The following CNTN4 variants were observed in gnomAD, a reference collection of about 807,000 sequenced individuals.
CNTN4 encodes contactin-4.
In CNTN4, 77 loss-of-function variants were observed where a neutral mutation model predicts 122.5. The observed-to-expected ratio is 0.63, with a 90% CI of 0.52 to 0.76. CNTN4 has a LOEUF of 0.76. CNTN4 is among the 30% of genes least tolerant of loss of function. CNTN4 has a pLI of 0.00. For missense variants in CNTN4, 1,256 were observed against 1,259.1 expected (o/e 1.00, Z 0.04); for synonymous variants, 512 against 447.0 (o/e 1.15, Z -1.83).
intron 7 of CNTN4, among the ~76,000 whole-genome samples, chr3:2,826,218 C>T (rs971260110): frequency 3.3e-5 from 5 of 152,130 alleles, no homozygotes; most frequent in African/African-American, 9.7e-5. Context: ...TTGGCGCTCA[C>T]CCCAGGTCAA....
At chr3:2,115,129 C>T (rs1239832232) in intron 2 of CNTN4, among the ~76,000 whole-genome samples, 1 of 152,186 alleles carries the variant, frequency 6.6e-6, no homozygotes, top group Admixed American at 6.5e-5. Flanking sequence ...TCTCCTTGCT[C>T]CAGTACATCA....
intron 4 of CNTN4, among the ~76,000 whole-genome samples, chr3:2,717,424 C>T (rs772447042): frequency 1.2e-4 from 19 of 152,278 alleles, no homozygotes; most frequent in Non-Finnish European, 2.4e-4. Flanking sequence ...CGTTTTCACA[C>T]GTGTTTTCAT....
At chr3:2,356,680 C>T (rs987896167) in intron 3 of CNTN4, among the ~76,000 whole-genome samples, 2 of 152,170 alleles carry the variant, frequency 1.3e-5, no homozygotes, top group East Asian at 1.9e-4. Context: ...CCTGGGAATG[C>T]AGCCCAGTAG....
rs2093622859 is a variant in CNTN4, at chr3:2,856,785, A to C, written c.455-9967A>C. On this transcript the variant is annotated intron_variant, in intron 7 of 24. Coordinates refer to ENST00000418658, the MANE Select transcript of CNTN4 (RefSeq NM_175607.3). ...GAGTATACATTAACAAAGAGTAAAG[A>C]GTAGAAAGCTAAAATTAAGTAACTT... Among the ~76,000 whole-genome samples, 6 of 152,324 alleles carry C rather than the reference A, an allele frequency of 3.9e-5. No individual in the cohort carries two copies. The South Asian group carries it at 1.2e-3, about 32-fold the overall frequency.
chr3:2,615,203 T>C (rs1328184944), intron 4 of CNTN4, among the ~76,000 whole-genome samples: 1 of 152,230 alleles, frequency 6.6e-6, no homozygotes, highest in African/African-American at 2.4e-5. Context: ...CTGTATCATA[T>C]TAATTAGGCT....
intron 3 of CNTN4, among the ~76,000 whole-genome samples, chr3:2,341,854 A>G (rs533890995): frequency 9.2e-5 from 14 of 152,362 alleles, no homozygotes; most frequent in East Asian, 7.7e-4. Flanking sequence ...ATCCTGGACA[A>G]TGCATTTCCA....
intron 13 of CNTN4, among the ~76,000 whole-genome samples, chr3:2,942,826 G>A (rs2094629357): frequency 6.6e-6 from 1 of 152,152 alleles, no homozygotes. Flanking sequence ...AGGAAGCGTG[G>A]TTCCCAAATT....
chr3:3,053,989 T>C lies in CNTN4; in HGVS notation c.2980+14T>C, dbSNP rs757348016. 1.8e-5 allele frequency: 29 copies of C among 1,613,560 alleles called. No homozygotes were observed. The highest frequency in any genetic ancestry group is 2.4e-5 in the Non-Finnish European group (28 of 1,179,522). ...CAAAGATATCAAGTGAGAATGCCTT[T>C]TTTTCTCCCTTTTCTCCTGCCTGTC... On this transcript the variant is annotated intron_variant, in intron 24 of 24. Transcript: ENST00000418658.
rs1451332613 is a variant in CNTN4, at chr3:2,364,966, G to A, written c.-89+25733G>A. 2.0e-5 allele frequency among the ~76,000 whole-genome samples: 3 copies of A among 152,114 alleles called. No individual in the cohort carries two copies. The East Asian group carries it at 5.8e-4, about 29-fold the overall frequency. On this transcript the variant is annotated intron_variant, in intron 3 of 24. Transcript: ENST00000418658. Reference sequence around the variant, plus strand: ...CTTTGTATTGGAGACATTTTTCAAAGCATTTATTTATCCGTTGGGGATAAG... The same window carrying A: ...CTTTGTATTGGAGACATTTTTCAAAACATTTATTTATCCGTTGGGGATAAG...
intron 4 of CNTN4, among the ~76,000 whole-genome samples, chr3:2,608,101 G>C (rs1292751910): frequency 6.6e-6 from 1 of 152,074 alleles, no homozygotes; most frequent in East Asian, 1.9e-4. Flanking sequence ...CTAACCAAGG[G>C]ACTGAAATAA....
intron 2 of CNTN4, among the ~76,000 whole-genome samples, chr3:2,229,086 A>C (rs1240381661): frequency 6.6e-6 from 1 of 152,098 alleles, no homozygotes; most frequent in Non-Finnish European, 1.5e-5. Flanking sequence ...CTTTCTCTGG[A>C]ATTCCTTGCC....
intron 4 of CNTN4, among the ~76,000 whole-genome samples, chr3:2,674,453 T>G (rs1016480149): frequency 6.6e-6 from 1 of 152,152 alleles, no homozygotes; most frequent in Admixed American, 6.6e-5. Context: ...TATTTGAAAA[T>G]ATGCAAGAAA....
intron 2 of CNTN4, among the ~76,000 whole-genome samples, chr3:2,105,484 A>G (rs1238549788): frequency 1.3e-5 from 2 of 152,176 alleles, no homozygotes; most frequent in African/African-American, 4.8e-5. Context: ...GGCAGAAGGC[A>G]CGAGAGAAGC....
intron 2 of CNTN4, among the ~76,000 whole-genome samples, chr3:2,309,047 A>G (rs1198007161): frequency 6.6e-6 from 1 of 152,106 alleles, no homozygotes; most frequent in East Asian, 1.9e-4. Context: ...CACTATTTAA[A>G]GAAGGATTTT....
chr3:2,860,903 C>G (rs2093664491), intron 7 of CNTN4, among the ~76,000 whole-genome samples: 1 of 152,142 alleles, frequency 6.6e-6, no homozygotes, highest in Admixed American at 6.5e-5. Context: ...ATCATCAGTG[C>G]TATTTAATTC....
intron 2 of CNTN4, among the ~76,000 whole-genome samples, chr3:2,257,598 G>A (rs766177352): frequency 6.0e-4 from 91 of 151,964 alleles, no homozygotes; most frequent in Non-Finnish European, 9.9e-4. Context: ...CAAGAAAAAA[G>A]CAACCCCATC....
intron 6 of CNTN4, among the ~76,000 whole-genome samples, chr3:2,781,838 C>T (rs2149863873): frequency 7.4e-6 from 1 of 135,104 alleles, no homozygotes; most frequent in South Asian, 2.3e-4. Context: ...CATTCTCCTG[C>T]CTCAGCCTCC....
At chr3:2,356,719 T>G (rs1202129588) in intron 3 of CNTN4, among the ~76,000 whole-genome samples, 2 of 152,148 alleles carry the variant, frequency 1.3e-5, no homozygotes, top group Non-Finnish European at 2.9e-5. Context: ...CCAGCCCCTA[T>G]TCAAGATGGA....
At chr3:2,219,136 C>G (rs983327682) in intron 2 of CNTN4, among the ~76,000 whole-genome samples, 2 of 152,156 alleles carry the variant, frequency 1.3e-5, no homozygotes, top group African/African-American at 2.4e-5. Flanking sequence ...TGAGTTGGCT[C>G]AATGCTGATC....
Sources: gnomAD v4.1 joint callset for allele counts (sites outside exome capture counted in the v4.1 genomes callset) on GRCh38, gnomAD v4.1.1 for gene constraint, MANE v1.5 for transcripts, NCBI Gene and HGNC (gene_info 2026-07-23, HGNC 2026-07-21) for gene names.